The following TBC1D12 variants were observed in gnomAD, a reference collection of about 807,000 sequenced individuals.
TBC1D12 encodes the protein TBC1 domain family, member 12.
Under a neutral mutation model 86.7 loss-of-function variants are expected in TBC1D12, and 56 were observed. The ratio of observed to expected loss-of-function variants is 0.65; its 90% CI spans 0.52 to 0.81. The LOEUF (loss-of-function observed/expected upper bound fraction) is 0.81. TBC1D12 is among the 30% of genes least tolerant of loss of function. The pLI is 0.00. For missense variants in TBC1D12, 1,023 were observed against 1,038.8 expected (o/e 0.98, Z 0.21); for synonymous variants, 421 against 411.7 (o/e 1.02, Z -0.27).
intron 2 of TBC1D12, among the ~76,000 whole-genome samples, chr10:94,464,776 C>T (rs766988352): frequency 4.6e-5 from 7 of 152,120 alleles, no homozygotes; most frequent in Non-Finnish European, 8.8e-5. Context: ...ATTTAAATAT[C>T]ACAAGAATAA....
chr10:94,411,022 CAG>C (rs997850386), intron 1 of TBC1D12, among the ~76,000 whole-genome samples: 1 of 151,906 alleles, frequency 6.6e-6, no homozygotes, highest in African/African-American at 2.4e-5. Flanking sequence ...TGAAAAAAAA[CAG>C]AATTTTTTTT....
intron 1 of TBC1D12, among the ~76,000 whole-genome samples, chr10:94,433,447 A>G (rs183835362): frequency 6.6e-6 from 1 of 152,268 alleles, no homozygotes. Context: ...ACAGTCCCTA[A>G]TCAAAGATTT....
intron 1 of TBC1D12, among the ~76,000 whole-genome samples, chr10:94,435,956 G>A (rs1419801964): frequency 6.6e-6 from 1 of 152,014 alleles, no homozygotes; most frequent in Admixed American, 6.6e-5. Context: ...TGCCACCTGT[G>A]TTTCCATTTA....
At chr10:94,457,383 C>T (rs1161343741) in intron 2 of TBC1D12, among the ~76,000 whole-genome samples, 18 of 152,070 alleles carry the variant, frequency 1.2e-4, no homozygotes, top group Admixed American at 1.2e-3. Context: ...TTGTAATACA[C>T]TTTGGCAGTC....
intron 9 of TBC1D12, among the ~76,000 whole-genome samples, chr10:94,518,216 CTTTT>C (rs1842054123): frequency 6.6e-6 from 1 of 151,178 alleles, no homozygotes; most frequent in Non-Finnish European, 1.5e-5. Flanking sequence ...TTTTTCTTTT[CTTTT>C]TCTTTTTTTT....
chr10:94,523,689 G>T (rs1309179122), intron 11 of TBC1D12, among the ~76,000 whole-genome samples: 2 of 152,142 alleles, frequency 1.3e-5, no homozygotes, highest in Non-Finnish European at 2.9e-5. Context: ...AAGGCCAAGT[G>T]CAGTGGCTGA....
At chr10:94,436,094 AGCCTT>A (rs981516297) in intron 1 of TBC1D12, among the ~76,000 whole-genome samples, 3 of 151,582 alleles carry the variant, frequency 2.0e-5, no homozygotes, top group Non-Finnish European at 4.4e-5. Context: ...AGGGCAACTC[AGCCTT>A]GCCTTTTTTC....
intron 3 of TBC1D12, among the ~76,000 whole-genome samples, chr10:94,485,389 G>A (rs2056145220): frequency 1.3e-5 from 2 of 152,080 alleles, no homozygotes; most frequent in South Asian, 4.1e-4. Context: ...CACACTGATT[G>A]ATTTGCATAC....
intron 2 of TBC1D12, among the ~76,000 whole-genome samples, chr10:94,457,967 T>C (rs1241793149): frequency 6.6e-6 from 1 of 152,164 alleles, no homozygotes; most frequent in Admixed American, 6.5e-5. Context: ...CTTTTATTAC[T>C]GCCATTCGTT....
At chr10:94,464,163 T>A (rs1011677843) in intron 2 of TBC1D12, among the ~76,000 whole-genome samples, 15 of 152,244 alleles carry the variant, frequency 9.9e-5, no homozygotes, top group South Asian at 2.1e-4. Context: ...TTCTTATAAA[T>A]AGCATATAGT....
chr10:94,447,787 G>C (rs2055491828), intron 2 of TBC1D12: 1 of 506,682 alleles, frequency 2.0e-6, no homozygotes, highest in Admixed American at 6.5e-5. Context: ...AGTTGGAATA[G>C]CTACATGGTT....
intron 1 of TBC1D12, among the ~76,000 whole-genome samples, chr10:94,431,681 C>T (rs1464017811): frequency 1.3e-5 from 2 of 152,146 alleles, no homozygotes; most frequent in Non-Finnish European, 2.9e-5. Context: ...AGTTGGCCTC[C>T]TTAATATTTC....
At position 94,462,981 on chromosome 10, in the gene TBC1D12, G is replaced by A. The variant is rs529929856; in HGVS notation, c.1096-11687G>A. Among the ~76,000 whole-genome samples, 228 of 152,044 alleles carry A rather than the reference G, an allele frequency of 1.5e-3. 1 individual carries two copies. The highest frequency in any genetic ancestry group is 5.4e-3 in the African/African-American group (223 of 41,500). The stretch of plus-strand genomic sequence containing the variant: ...GCTTTTTTTCTAGTTTTCTAAGGTG[G>A]ATCATTCATTTTAGACCTTTTATCT... On this transcript the variant is annotated intron_variant, in intron 2 of 12. Transcript: ENST00000225235.
chr10:94,508,762 C>A (rs1001756030), intron 7 of TBC1D12: 1 of 152,038 alleles, frequency 6.6e-6, no homozygotes, highest in African/African-American at 2.4e-5. Flanking sequence ...ATATTTATAA[C>A]AGATAGTGTC....
chr10:94,510,717 G>A (rs2056515594), intron 8 of TBC1D12, among the ~76,000 whole-genome samples: 1 of 152,070 alleles, frequency 6.6e-6, no homozygotes, highest in South Asian at 2.1e-4. Context: ...TGCCCAGGCT[G>A]GACTCAAACT....
At chr10:94,497,475 A>G (rs1451762217) in intron 5 of TBC1D12, among the ~76,000 whole-genome samples, 1 of 148,368 alleles carries the variant, frequency 6.7e-6, no homozygotes, top group African/African-American at 2.5e-5. Flanking sequence ...AGTGTCTACC[A>G]CCTACTTCCC....
intron 6 of TBC1D12, among the ~76,000 whole-genome samples, chr10:94,502,989 A>C (rs750668296): frequency 2.0e-5 from 3 of 152,208 alleles, no homozygotes; most frequent in Admixed American, 6.5e-5. Flanking sequence ...GTGCATCTAC[A>C]TATGATCAAT....
intron 4 of TBC1D12, among the ~76,000 whole-genome samples, chr10:94,493,835 T>C (rs898745210): frequency 6.6e-6 from 1 of 152,126 alleles, no homozygotes; most frequent in African/African-American, 2.4e-5. Flanking sequence ...CATACCAGGA[T>C]CATAGTTTTT....
chr10:94,451,880 T>A (rs995795460), intron 2 of TBC1D12, among the ~76,000 whole-genome samples: 2 of 152,006 alleles, frequency 1.3e-5, no homozygotes, highest in Non-Finnish European at 2.9e-5. Context: ...TTTGGTCCAT[T>A]CATGTGAGGC....
Sources: gnomAD v4.1 joint callset for allele counts (sites outside exome capture counted in the v4.1 genomes callset) on GRCh38, gnomAD v4.1.1 for gene constraint, MANE v1.5 for transcripts, NCBI Gene and HGNC (gene_info 2026-07-23, HGNC 2026-07-21) for gene names.